GRIA3: variants seen among roughly 807,000 people sequenced by gnomAD.
GRIA3 encodes the protein glutamate ionotropic receptor AMPA type subunit 3, also known as glutamate receptor 3.
GRIA3 carries 3 observed loss-of-function variants against 63.0 expected under a neutral mutation model. That is an observed-to-expected ratio of 0.05 (90% CI 0.02 to 0.12). The LOEUF (loss-of-function observed/expected upper bound fraction) is 0.12. Ranked by LOEUF, GRIA3 falls within the 10% of genes least tolerant of loss-of-function variation. The pLI is 1.00. For synonymous variants in GRIA3, 274 were observed against 257.9 expected (o/e 1.06, Z -0.60); for missense variants, 347 against 700.9 (o/e 0.50, Z 5.70).
intron 4 of GRIA3, among the ~76,000 whole-genome samples, chrX:123,338,740 C>T (rs917962248): frequency 8.1e-5 from 9 of 111,000 alleles, no homozygotes; most frequent in African/African-American, 3.0e-4. Context: ...TTAGTAGAGA[C>T]GGGGTTTTAC....
chrX:123,483,929 C>G (rs922004553), intron 15 of GRIA3, among the ~76,000 whole-genome samples: 1 of 86,187 alleles, frequency 1.2e-5, no homozygotes, highest in Non-Finnish European at 2.6e-5. Context: ...GAGACTCCAT[C>G]TCAAAAAAAA....
intron 4 of GRIA3, among the ~76,000 whole-genome samples, chrX:123,327,930 T>G (rs1297560175): frequency 8.9e-6 from 1 of 111,876 alleles, no homozygotes; most frequent in East Asian, 2.8e-4. Flanking sequence ...CTCTAAAATT[T>G]TATACCAAAA....
At chrX:123,260,426 C>CAGAAAGAA (rs1228813293) in intron 3 of GRIA3, among the ~76,000 whole-genome samples, 458 of 7,360 alleles carry the variant, frequency 0.062, 45 homozygotes, top group Middle Eastern at 0.15. Context: ...GACAGACAGA[C>CAGAAAGAA]AGAAAGAAAG....
rs748248637 is a variant in GRIA3 at position 123,324,510 on chromosome X, T to G, written c.509-1516T>G. On this transcript the variant is annotated intron_variant, in intron 3 of 15. Transcript: ENST00000620443. Reference sequence around the variant, plus strand: ...ATGTTTATTTCTCAATCCCATGCCTTGGCCTACCATGTCCCCTCAACTCCC... The same window carrying G: ...ATGTTTATTTCTCAATCCCATGCCTGGGCCTACCATGTCCCCTCAACTCCC... 3.6e-5 allele frequency among the ~76,000 whole-genome samples: 4 copies of G among 111,890 alleles called. No individual in the cohort carries two copies. In the East Asian group the frequency reaches 1.1e-3, roughly 31 times the overall value.
At chrX:123,401,711 C>T (rs1283802807) in intron 7 of GRIA3, among the ~76,000 whole-genome samples, 1 of 111,876 alleles carries the variant, frequency 8.9e-6, no homozygotes, top group East Asian at 2.8e-4. Flanking sequence ...AAAAATGTTC[C>T]CTAATATTTG....
Position 123,185,939 on chromosome X carries a change from T to C in GRIA3, c.217T>C (p.Tyr73His). The C allele has an allele frequency of 2.5e-6, 3 of 1,206,469 alleles. No individual in the cohort carries two copies. Among genetic ancestry groups the C allele is most frequent in the Non-Finnish European group, 3.4e-6 (3 of 890,920 alleles). Residue 73 changes from tyrosine (Y) to histidine (H), a missense_variant, in exon 2 of 16, where the codon TAC becomes CAC. Tyr to His is a moderately conservative substitution (Grantham distance 83). Transcript: ENST00000620443. ...NTTEKPFHLN[Y>H]HVDHLDSSNS... ...CACCGAGAAGCCCTTCCATTTGAATTACCACGTAGATCACTTGGATTCCTC... is the reference window on the plus strand; with the variant it reads ...CACCGAGAAGCCCTTCCATTTGAATCACCACGTAGATCACTTGGATTCCTC...
At chrX:123,329,532 C>T (rs1010658155) in intron 4 of GRIA3, among the ~76,000 whole-genome samples, 1 of 111,823 alleles carries the variant, frequency 8.9e-6, no homozygotes, top group Non-Finnish European at 1.9e-5. Flanking sequence ...AATTAGGTAT[C>T]AATCTGTCTT....
chrX:123,193,919 C>T (rs774294448), intron 2 of GRIA3, among the ~76,000 whole-genome samples: 2 of 111,216 alleles, frequency 1.8e-5, no homozygotes, highest in Admixed American at 1.9e-4. Flanking sequence ...AGTGAGGCAC[C>T]AAATGGATTG....
At chrX:123,225,337 G>C (rs1355872190) in intron 2 of GRIA3, among the ~76,000 whole-genome samples, 1 of 112,273 alleles carries the variant, frequency 8.9e-6, no homozygotes, top group African/African-American at 3.2e-5. Context: ...CTTGCACGGA[G>C]CGAGTACCCA....
intron 12 of GRIA3, among the ~76,000 whole-genome samples, chrX:123,430,622 C>T (rs757707581): frequency 1.2e-3 from 130 of 111,109 alleles, no homozygotes; most frequent in African/African-American, 4.1e-3. Context: ...TATTTAGGGA[C>T]TTGACTGCCA....
intron 3 of GRIA3, among the ~76,000 whole-genome samples, chrX:123,324,667 GC>G (rs1431529405): frequency 8.9e-6 from 1 of 111,953 alleles, no homozygotes; most frequent in Non-Finnish European, 1.9e-5. Context: ...GTAATTTTGA[GC>G]TCCTGTGCTG....
chrX:123,424,892 G>A (rs751547634), intron 11 of GRIA3, among the ~76,000 whole-genome samples: 10 of 111,517 alleles, frequency 9.0e-5, no homozygotes, highest in African/African-American at 2.9e-4. Context: ...ATAAATTACT[G>A]TATTTTTCTC....
chrX:123,204,369 G>A (rs1175615905), intron 2 of GRIA3: 11 of 1,128,599 alleles, frequency 9.7e-6, no homozygotes, highest in Non-Finnish European at 1.3e-5. Context: ...CATTCATAGT[G>A]CTGAACAATA....
chrX:123,201,563 G>GA lies in GRIA3; in HGVS notation c.268+15579dup, dbSNP rs771904212. Among the ~76,000 whole-genome samples the GA allele has an allele frequency of 4.6e-3, 512 of 110,356 alleles. 2 individuals carry two copies. Among genetic ancestry groups the GA allele is most frequent in the African/African-American group, 0.015 (457 of 30,399 alleles). ...TCCGTCATCTTAATGTTATATTTAA[G>GA]AAAAAAGATTCAAAGAGGAGAGAGC... On this transcript the variant is annotated intron_variant, in intron 2 of 15. Coordinates refer to ENST00000620443, the MANE Select transcript of GRIA3 (RefSeq NM_007325.5).
intron 2 of GRIA3, 124 bp from the exon 3 acceptor site, chrX:123,253,179 T>C (rs1354825980): frequency 1.3e-6 from 1 of 779,293 alleles, no homozygotes; most frequent in African/African-American, 2.1e-5. Flanking sequence ...AACTGGGTTT[T>C]CAGGGGCTTC....
At chrX:123,462,299 A>T (rs1462115608) in intron 12 of GRIA3, among the ~76,000 whole-genome samples, 1 of 111,985 alleles carries the variant, frequency 8.9e-6, no homozygotes. Context: ...AGTCTCCTAT[A>T]ACAGGTAGAA....
rs189964905 is a variant in GRIA3 at position 123,186,324 on chromosome X, G to A, written c.268+334G>A. On this transcript the variant is annotated intron_variant, in intron 2 of 15. Coordinates refer to ENST00000620443, the MANE Select transcript of GRIA3 (RefSeq NM_007325.5). ...AACTGGGGAAAAAAAAAGAAAGAAA[G>A]AAAAAAATAGCACGGTTGTTCAGAG... 1.4e-3 allele frequency among the ~76,000 whole-genome samples: 156 copies of A among 110,173 alleles called. 1 individual carries two copies. The East Asian group carries it at 0.025, about 18-fold the overall frequency.
chrX:123,380,495 GGTT>G lies in GRIA3; in HGVS notation c.751-14472_751-14470del, dbSNP rs765673906. On this transcript the variant is annotated intron_variant, in intron 5 of 15. Coordinates refer to ENST00000620443, the MANE Select transcript of GRIA3 (RefSeq NM_007325.5). ...TCGCCCACTTTTTGATGGGGTTGTT[GGTT>G]TTTTTCTTGTAAATTTGTTTAAGTT... 8.0e-4 allele frequency among the ~76,000 whole-genome samples: 89 copies of G among 111,205 alleles called. 1 individual carries two copies. The East Asian group carries it at 0.024, about 29-fold the overall frequency.
At chrX:123,398,327 T>G (rs779166275) in intron 6 of GRIA3, among the ~76,000 whole-genome samples, 5 of 112,062 alleles carry the variant, frequency 4.5e-5, no homozygotes, top group African/African-American at 1.6e-4. Flanking sequence ...TCACACATAT[T>G]TCTTCCTCTA....
Sources: gnomAD v4.1 joint callset for allele counts (sites outside exome capture counted in the v4.1 genomes callset) on GRCh38, gnomAD v4.1.1 for gene constraint, MANE v1.5 for transcripts, NCBI Gene and HGNC (gene_info 2026-07-23, HGNC 2026-07-21) for gene names.